The following FBXO34 variants were observed in gnomAD, a reference collection of about 807,000 sequenced individuals.
FBXO34 encodes F-box protein 34.
Under a neutral mutation model 24.5 loss-of-function variants are expected in FBXO34, and 12 were observed. The observed-to-expected ratio is 0.49, with a 90% confidence interval of 0.31 to 0.79. The LOEUF is 0.79. FBXO34 is among the 30% of genes least tolerant of loss of function. The probability of loss-of-function intolerance (pLI) is 0.04; values close to 1 mark genes in which losing one functional copy is unlikely to be tolerated. For synonymous variants in FBXO34, 320 were observed against 311.9 expected, an observed-to-expected ratio of 1.03 and a Z score of -0.27; for missense variants, 823 against 857.7, an observed-to-expected ratio of 0.96 and a Z score of 0.51.
chr14:55,286,876 G>A (rs1350837333), intron 1 of FBXO34, among the ~76,000 whole-genome samples: 1 of 149,234 alleles, frequency 6.7e-6, no homozygotes, highest in Non-Finnish European at 1.5e-5. Context: ...GACCCACATT[G>A]AAACACGGAA....
the FBXO34 span, chr14:55,428,706 T>A: frequency 7.6e-7 from 1 of 1,322,638 alleles, no homozygotes; most frequent in South Asian, 1.5e-5. Flanking sequence ...GCCTTTTTTT[T>A]TTTAATCACA....
At chr14:55,394,796 A>C in the FBXO34 span, 1 of 238,378 alleles carries the variant, frequency 4.2e-6, no homozygotes, top group Non-Finnish European at 8.3e-6. Flanking sequence ...AGTGCCATTT[A>C]GTATGCCTGG....
At chr14:55,336,308 G>T (rs572848063) in intron 1 of FBXO34, among the ~76,000 whole-genome samples, 3 of 152,144 alleles carry the variant, frequency 2.0e-5, no homozygotes, top group African/African-American at 7.2e-5. Context: ...GTAGAATAGG[G>T]CAAGAACTTA....
the FBXO34 span, chr14:55,414,198 CAAA>C: frequency 2.3e-5 from 13 of 564,078 alleles, no homozygotes; most frequent in African/African-American, 7.5e-5. Context: ...TAAAATAACA[CAAA>C]AGGAGTCATT....
chr14:55,308,855 G>C (rs1882639954), intron 1 of FBXO34, among the ~76,000 whole-genome samples: 1 of 151,918 alleles, frequency 6.6e-6, no homozygotes, highest in South Asian at 2.1e-4. Flanking sequence ...ACTTATTTTT[G>C]CTGGTCTCTG....
chr14:55,380,540 A>G, the FBXO34 span: 7 of 1,367,454 alleles, frequency 5.1e-6, no homozygotes, highest in Admixed American at 7.3e-5. Context: ...AAGAGCCATG[A>G]TAAAGATGAC....
At chr14:55,382,252 T>C in the FBXO34 span, 1 of 1,474,412 alleles carries the variant, frequency 6.8e-7, no homozygotes, top group Non-Finnish European at 9.5e-7. Context: ...GCATGCAATA[T>C]AACTGCAAGA....
intron 1 of FBXO34, among the ~76,000 whole-genome samples, chr14:55,287,581 C>G (rs753537923): frequency 6.6e-6 from 1 of 152,176 alleles, no homozygotes; most frequent in Non-Finnish European, 1.5e-5. Context: ...GTTAGGCTTT[C>G]AGTCCCCACC....
At chr14:55,274,458 G>C (rs1881267817) in intron 1 of FBXO34, among the ~76,000 whole-genome samples, 1 of 152,152 alleles carries the variant, frequency 6.6e-6, no homozygotes. Flanking sequence ...CTGGGAAGCA[G>C]CTTTTACTTC....
At chr14:55,287,956 C>A (rs190656571) in intron 1 of FBXO34, among the ~76,000 whole-genome samples, 154 of 152,266 alleles carry the variant, frequency 1.0e-3, no homozygotes, top group Middle Eastern at 6.8e-3. Context: ...TTGACTGTGA[C>A]CTGTCACATG....
rs1884457331 is a variant in FBXO34, at chr14:55,353,318, G to A, written c.*792G>A. On this transcript the variant is annotated 3_prime_UTR_variant, in exon 2 of 2. Coordinates refer to ENST00000313833, the MANE Select transcript of FBXO34 (RefSeq NM_017943.4). Reference sequence around the variant, plus strand: ...GTCTAGTCTTAAATTTGTACATCTTGTATAAAATATGAATGTTTCCCAAAT... The same window carrying A: ...GTCTAGTCTTAAATTTGTACATCTTATATAAAATATGAATGTTTCCCAAAT... 1 of 166,092 alleles carries A rather than the reference G, an allele frequency of 6.0e-6. No individual in the cohort carries two copies. Among genetic ancestry groups the A allele is most frequent in the African/African-American group, 2.4e-5 (1 of 41,066 alleles). 10.3% of individuals were successfully genotyped at this position (166,092 alleles called of 1,614,324 possible).
At chr14:55,276,093 A>C (rs1428770697) in intron 1 of FBXO34, among the ~76,000 whole-genome samples, 1 of 152,214 alleles carries the variant, frequency 6.6e-6, no homozygotes, top group Admixed American at 6.5e-5. Context: ...AATTAGAAGC[A>C]TAGAAAAGAG....
intron 1 of FBXO34, among the ~76,000 whole-genome samples, chr14:55,330,709 TGAGGCTGGGAGTTC>T (rs909067330): frequency 4.6e-5 from 7 of 152,124 alleles, no homozygotes; most frequent in Non-Finnish European, 1.5e-5. Context: ...GAGGATGGCT[TGAGGCTGGGAGTTC>T]GAGGCTGCAG....
chr14:55,388,257 G>A, the FBXO34 span, among the ~76,000 whole-genome samples: 2 of 152,290 alleles, frequency 1.3e-5, 1 homozygote, highest in African/African-American at 4.8e-5. Context: ...CTCTTTACAA[G>A]TGCTGAAATT....
intron 1 of FBXO34, among the ~76,000 whole-genome samples, chr14:55,346,569 C>T (rs1428547106): frequency 2.0e-5 from 3 of 152,030 alleles, no homozygotes; most frequent in Non-Finnish European, 4.4e-5. Context: ...GTTAAAACTA[C>T]AAGAAATCAC....
At chr14:55,325,234 A>G (rs1211307468) in intron 1 of FBXO34, among the ~76,000 whole-genome samples, 1 of 152,110 alleles carries the variant, frequency 6.6e-6, no homozygotes, top group African/African-American at 2.4e-5. Flanking sequence ...GCACAGTACT[A>G]TTTGCCTTAG....
downstream of FBXO34, among the ~76,000 whole-genome samples, chr14:55,365,917 G>A (rs367711034): frequency 6.6e-5 from 10 of 152,160 alleles, no homozygotes; most frequent in East Asian, 5.8e-4. Context: ...GAAGGGTACC[G>A]CCGACTACCC....
the FBXO34 span, among the ~76,000 whole-genome samples, chr14:55,428,117 A>ACCTTTT: frequency 2.1e-5 from 1 of 48,332 alleles, no homozygotes; most frequent in African/African-American, 7.1e-5. Flanking sequence ...CACATGCCTT[A>ACCTTTT]TCTTTTTTTT....
the FBXO34 span, among the ~76,000 whole-genome samples, chr14:55,378,733 CTG>C: frequency 6.6e-6 from 1 of 152,252 alleles, no homozygotes; most frequent in South Asian, 2.1e-4. Flanking sequence ...GGGTCTCACT[CTG>C]TCACCCAGGC....
Sources: gnomAD v4.1 joint callset for allele counts (sites outside exome capture counted in the v4.1 genomes callset) on GRCh38, gnomAD v4.1.1 for gene constraint, MANE v1.5 for transcripts, NCBI Gene and HGNC (gene_info 2026-07-23, HGNC 2026-07-21) for gene names.